Variants in AGBL4 observed in about 807,000 individuals in gnomAD.
The protein encoded by AGBL4 is cytosolic carboxypeptidase 6.
In AGBL4, 58 loss-of-function variants were observed where a neutral mutation model predicts 66.4. That is an observed-to-expected ratio of 0.87 (90% confidence interval 0.71 to 1.09). The LOEUF is 1.09. Ranked by LOEUF, AGBL4 falls within the 50% of genes least tolerant of loss-of-function variation. The probability of loss-of-function intolerance (pLI) is 0.00; values close to 1 mark genes in which losing one functional copy is unlikely to be tolerated. For missense variants in AGBL4, 579 were observed against 631.0 expected (o/e 0.92, Z 0.88); for synonymous variants, 234 against 222.9 (o/e 1.05, Z -0.44).
At chr1:49,406,421 G>A (rs1258375790) in intron 3 of AGBL4, among the ~76,000 whole-genome samples, 1 of 152,174 alleles carries the variant, frequency 6.6e-6, no homozygotes, top group African/African-American at 2.4e-5. Flanking sequence ...TCAACATGCA[G>A]ATGGAGACTT....
At chr1:48,805,726 A>G (rs956898607) in intron 6 of AGBL4, among the ~76,000 whole-genome samples, 1 of 151,858 alleles carries the variant, frequency 6.6e-6, no homozygotes, top group Non-Finnish European at 1.5e-5. Flanking sequence ...GGACAATATT[A>G]CCTTGCCTAG....
intron 3 of AGBL4, among the ~76,000 whole-genome samples, chr1:49,617,315 C>T (rs1558104657): frequency 6.6e-6 from 1 of 152,170 alleles, no homozygotes; most frequent in Non-Finnish European, 1.5e-5. Context: ...GATATTTGCA[C>T]AAGTTCCACC....
At chr1:49,856,209 AC>A (rs1646429180) in intron 1 of AGBL4, among the ~76,000 whole-genome samples, 1 of 152,110 alleles carries the variant, frequency 6.6e-6, no homozygotes, top group South Asian at 2.1e-4. Flanking sequence ...GAAAACCTGA[AC>A]AGATTAATAA....
At chr1:49,302,732 ACATGGT>A (rs1644777157) in intron 3 of AGBL4, among the ~76,000 whole-genome samples, 11 of 149,930 alleles carry the variant, frequency 7.3e-5, no homozygotes, top group Non-Finnish European at 1.5e-4. Context: ...GAAACTTGTG[ACATGGT>A]GGTTTGTTGC....
intron 6 of AGBL4, chr1:48,728,012 A>T: frequency 6.2e-7 from 1 of 1,612,138 alleles, no homozygotes. Flanking sequence ...TTTCATCCAC[A>T]GTTTCTTGTG....
chr1:48,719,347 C>T (rs960742930), intron 6 of AGBL4, among the ~76,000 whole-genome samples: 5 of 151,940 alleles, frequency 3.3e-5, no homozygotes, highest in African/African-American at 1.2e-4. Context: ...TAGTCAGGTT[C>T]CCACCTGGCA....
chr1:48,615,609 A>G (rs1645305813), intron 9 of AGBL4, among the ~76,000 whole-genome samples: 1 of 152,212 alleles, frequency 6.6e-6, no homozygotes, highest in African/African-American at 2.4e-5. Flanking sequence ...ATGAACCCAG[A>G]ACTCTATTTG....
chr1:49,926,411 T>A (rs1411373292), intron 1 of AGBL4, among the ~76,000 whole-genome samples: 5 of 152,046 alleles, frequency 3.3e-5, no homozygotes, highest in Admixed American at 3.3e-4. Flanking sequence ...TGAAAAGCCT[T>A]CCCAAAAAGG....
chr1:48,534,666 A>T (rs1448656980), intron 13 of AGBL4, among the ~76,000 whole-genome samples: 1 of 152,128 alleles, frequency 6.6e-6, no homozygotes, highest in Non-Finnish European at 1.5e-5. Flanking sequence ...TTTACTGTTG[A>T]TGAGTCATGA....
At chr1:49,681,525 G>T (rs528229621) in intron 3 of AGBL4, among the ~76,000 whole-genome samples, 1 of 152,214 alleles carries the variant, frequency 6.6e-6, no homozygotes, top group South Asian at 2.1e-4. Flanking sequence ...TAGCACTCTA[G>T]CGTCACATTA....
intron 3 of AGBL4, among the ~76,000 whole-genome samples, chr1:49,291,232 T>C (rs1644527168): frequency 6.6e-6 from 1 of 152,214 alleles, no homozygotes; most frequent in Non-Finnish European, 1.5e-5. Flanking sequence ...GTAGCTTCAT[T>C]GATAAATTCA....
intron 3 of AGBL4, among the ~76,000 whole-genome samples, chr1:49,297,922 C>T (rs1644672677): frequency 6.6e-6 from 1 of 152,182 alleles, no homozygotes; most frequent in South Asian, 2.1e-4. Context: ...CTTTCACCTC[C>T]AATGCAAACA....
intron 3 of AGBL4, among the ~76,000 whole-genome samples, chr1:49,567,752 T>C (rs941465271): frequency 2.0e-5 from 3 of 152,112 alleles, no homozygotes; most frequent in African/African-American, 7.2e-5. Flanking sequence ...ATCATGCTGA[T>C]ACCCAAACTT....
chr1:49,045,095 A>G (rs780458217), intron 5 of AGBL4, among the ~76,000 whole-genome samples: 24 of 152,310 alleles, frequency 1.6e-4, no homozygotes, highest in Middle Eastern at 3.4e-3. Flanking sequence ...TGGATGACAG[A>G]GACAGGGCAC....
At chr1:49,430,542 G>T (rs1395827370) in intron 3 of AGBL4, among the ~76,000 whole-genome samples, 1 of 152,136 alleles carries the variant, frequency 6.6e-6, no homozygotes, top group Non-Finnish European at 1.5e-5. Context: ...ATTAATAATA[G>T]TTACTTTAGG....
intron 3 of AGBL4, among the ~76,000 whole-genome samples, chr1:49,291,390 A>G (rs1476976345): frequency 2.6e-5 from 4 of 152,228 alleles, no homozygotes; most frequent in Non-Finnish European, 4.4e-5. Context: ...TAATAGTCCA[A>G]TGTTTTTCAT....
chr1:48,579,489 C>T (rs1428204454), intron 11 of AGBL4, among the ~76,000 whole-genome samples: 1 of 151,522 alleles, frequency 6.6e-6, no homozygotes, highest in African/African-American at 2.4e-5. Flanking sequence ...GATCCACCCG[C>T]CTCAGCCTCC....
At chr1:49,604,744 T>C (rs138737725) in intron 3 of AGBL4, among the ~76,000 whole-genome samples, 52 of 152,232 alleles carry the variant, frequency 3.4e-4, no homozygotes, top group Admixed American at 8.5e-4. Flanking sequence ...TAGTTCAACC[T>C]GCTCTCTCTC....
At chr1:49,048,940 C>T (rs2147882906) in intron 4 of AGBL4, among the ~76,000 whole-genome samples, 1 of 152,178 alleles carries the variant, frequency 6.6e-6, no homozygotes, top group South Asian at 2.1e-4. Context: ...CCCTTGCCAT[C>T]CAACTTACAG....
Sources: gnomAD v4.1 joint callset for allele counts (sites outside exome capture counted in the v4.1 genomes callset) on GRCh38, gnomAD v4.1.1 for gene constraint, MANE v1.5 for transcripts, NCBI Gene and HGNC (gene_info 2026-07-23, HGNC 2026-07-21) for gene names.